RBBP7: variants seen among roughly 807,000 people sequenced by gnomAD.
RBBP7 encodes the protein RB binding protein 7, chromatin remodeling factor.
In RBBP7, 5 loss-of-function variants were observed where a neutral mutation model predicts 35.2. The observed-to-expected ratio is 0.14, with a 90% CI of 0.07 to 0.30. The LOEUF (loss-of-function observed/expected upper bound fraction) is 0.30, where lower values mean the gene tolerates loss of function less well. Ranked by LOEUF, RBBP7 falls within the 10% of genes least tolerant of loss-of-function variation. RBBP7 has a pLI of 1.00. For synonymous variants in RBBP7, 140 were observed against 118.7 expected, an observed-to-expected ratio of 1.18 and a Z score of -1.17; for missense variants, 155 against 327.5, an observed-to-expected ratio of 0.47 and a Z score of 4.07.
rs113815957 is a variant in RBBP7 at position 16,859,183 on chromosome X, A to G, written c.308-334T>C. Among the ~76,000 whole-genome samples, 995 of 112,735 alleles carry G rather than the reference A, an allele frequency of 8.8e-3. 8 individuals are homozygous for G. Among genetic ancestry groups the G allele is most frequent in the African/African-American group, 0.03 (941 of 31,048 alleles). On this transcript the variant is annotated intron_variant, in intron 3 of 11. Transcript: ENST00000380087. ...AAGTAACCATATAATAAGCAGACCA[A>G]TAGCTTTTTAGTTCAAATACAACTC...
intron 5 of RBBP7, among the ~76,000 whole-genome samples, chrX:16,854,067 G>C (rs1275710013): frequency 1.8e-5 from 2 of 110,178 alleles, no homozygotes; most frequent in Non-Finnish European, 3.8e-5. Flanking sequence ...ATTTTTAGTA[G>C]AGACGGGGGT....
At chrX:16,853,384 T>C in intron 6 of RBBP7, 1 of 199,920 alleles carries the variant, frequency 5.0e-6, no homozygotes, top group Non-Finnish European at 9.1e-6. Flanking sequence ...TTTCTTTTTT[T>C]CTAAATAATA....
chrX:16,856,472 G>C (rs955849202), intron 5 of RBBP7, among the ~76,000 whole-genome samples: 3 of 110,772 alleles, frequency 2.7e-5, no homozygotes, highest in African/African-American at 9.9e-5. Flanking sequence ...GGAGGTTGCA[G>C]TGAGCTGAGA....
Position 16,870,038 on chromosome X carries a change from T to A in RBBP7, c.16A>T (p.Met6Leu). Residue 6 changes from methionine to leucine, a missense_variant and splice_region_variant, in exon 1 of 12, where the codon ATG becomes TTG. Physicochemically the swap from Met to Leu is conservative, Grantham distance 15 (BLOSUM62 2). Coordinates refer to ENST00000380087, the MANE Select transcript of RBBP7 (RefSeq NM_002893.4). MASKE[M>L]FEDTVEERVI... ...CGCGCCGCCCCGCAGGGCCTCTTACTCTCTTTACTCGCCATCTTGCGTCGG... is the reference window on the plus strand; with the variant it reads ...CGCGCCGCCCCGCAGGGCCTCTTACACTCTTTACTCGCCATCTTGCGTCGG... 9.7e-7 allele frequency: 1 copy of A among 1,034,858 alleles called. No individual in the cohort carries two copies. The highest frequency in any genetic ancestry group is 1.3e-6 in the Non-Finnish European group (1 of 794,188). 85.3% of individuals were successfully genotyped at this position (1,034,858 alleles called of 1,213,427 possible).
chrX:16,852,815 G>A lies in RBBP7; in HGVS notation c.819C>T (p.Ala273=), dbSNP rs769291868. 9.1e-6 allele frequency: 11 copies of A among 1,211,824 alleles called. No homozygotes were observed. The highest frequency in any genetic ancestry group is 3.0e-5 in the East Asian group (1 of 33,831). ...GATTGAATGAGAGGCAGTTGACTTC[G>A]GCAGTGTGCGCATCCACCAAGTGAC... ...KPSHLVDAHT[A]EVNCLSFNPY... is the part of the protein sequence containing the mutation. Residue 273 remains alanine, a synonymous_variant, in exon 7 of 12, where the codon GCC becomes GCT. Transcript: ENST00000380087.
chrX:16,846,476 T>C (rs1323140814), intron 10 of RBBP7: 1 of 111,662 alleles, frequency 9.0e-6, no homozygotes, highest in Non-Finnish European at 1.9e-5. Context: ...TGCCCATCTT[T>C]CCAACGTACA....
At chrX:16,855,469 A>T (rs1168281883) in intron 5 of RBBP7, among the ~76,000 whole-genome samples, 1 of 112,079 alleles carries the variant, frequency 8.9e-6, no homozygotes, top group East Asian at 2.8e-4. Flanking sequence ...ACACATGAAG[A>T]CACTCAATGT....
chrX:16,865,893 C>T (rs956094226), intron 2 of RBBP7, among the ~76,000 whole-genome samples: 7 of 112,401 alleles, frequency 6.2e-5, no homozygotes, highest in African/African-American at 2.3e-4. Context: ...AAAGAACAAG[C>T]ATATCCAAGC....
chrX:16,848,487 A>G (rs1930137408), intron 10 of RBBP7: 1 of 112,009 alleles, frequency 8.9e-6, no homozygotes, highest in Non-Finnish European at 1.9e-5. Context: ...AAACTTGTGG[A>G]CATTCAATAT....
intron 9 of RBBP7, among the ~76,000 whole-genome samples, chrX:16,851,744 T>C (rs1367261152): frequency 8.9e-6 from 1 of 112,675 alleles, no homozygotes; most frequent in Non-Finnish European, 1.9e-5. Context: ...TCTTGATTTC[T>C]CTATATCAAG....
Position 16,844,655 on chromosome X carries a change from T to C in RBBP7, c.*380A>G, listed in dbSNP as rs1385682916. 9.1e-6 allele frequency: 1 copy of C among 110,186 alleles called. No homozygotes were observed. The highest frequency in any genetic ancestry group is 1.9e-5 in the Non-Finnish European group (1 of 53,953). 9.1% of individuals were successfully genotyped at this position (110,186 alleles called of 1,213,427 possible). A position where few individuals can be genotyped will look rare whatever the true frequency, so the allele number is the denominator to read the frequency against. On this transcript the variant is annotated 3_prime_UTR_variant, in exon 12 of 12. Coordinates refer to ENST00000380087, the MANE Select transcript of RBBP7 (RefSeq NM_002893.4). ...AGCTTTTAAAAAAACACAAGTTTTATTTTAAAACTTTATTTCTGCAAAGCC... is the reference window on the plus strand; with the variant it reads ...AGCTTTTAAAAAAACACAAGTTTTACTTTAAAACTTTATTTCTGCAAAGCC...
chrX:16,865,899 C>G (rs1217738064), intron 2 of RBBP7, among the ~76,000 whole-genome samples: 2 of 112,252 alleles, frequency 1.8e-5, no homozygotes, highest in East Asian at 5.6e-4. Context: ...CAAGCATATC[C>G]AAGCATGCTG....
intron 5 of RBBP7, among the ~76,000 whole-genome samples, chrX:16,856,559 A>G (rs1279470540): frequency 9.1e-6 from 1 of 109,448 alleles, no homozygotes; most frequent in African/African-American, 3.3e-5. Context: ...AACAACAACA[A>G]CAACAACAAA....
chrX:16,864,178 C>T (rs1186397443), intron 2 of RBBP7, among the ~76,000 whole-genome samples: 1 of 110,538 alleles, frequency 9.0e-6, no homozygotes, highest in African/African-American at 3.3e-5. Flanking sequence ...AGACACACTC[C>T]CCCCAAAACA....
intron 9 of RBBP7, among the ~76,000 whole-genome samples, chrX:16,851,030 A>G (rs1930200028): frequency 9.1e-6 from 1 of 109,694 alleles, no homozygotes; most frequent in Non-Finnish European, 1.9e-5. Flanking sequence ...AAGCTGAGGC[A>G]TGAGAACTGC....
At position 16,845,106 on chromosome X, in the gene RBBP7, G is replaced by A. The variant is rs1404728982; in HGVS notation, c.1210-3C>T. 1 of 1,191,846 alleles carries A rather than the reference G, an allele frequency of 8.4e-7. No homozygotes were observed. The highest frequency in any genetic ancestry group is 3.0e-5 in the East Asian group (1 of 33,650). ...TCATCATTGTAAATATTTTCAGCCT[G>A]GAGATAACCAAATAAATTCACAGGT... On this transcript the variant is annotated splice_region_variant and splice_polypyrimidine_tract_variant and intron_variant, in intron 11 of 11. Coordinates refer to ENST00000380087, the MANE Select transcript of RBBP7 (RefSeq NM_002893.4).
rs1335770710 is a variant in RBBP7 at position 16,854,584 on chromosome X, C to T, written c.598-742G>A. 1.8e-4 allele frequency among the ~76,000 whole-genome samples: 20 copies of T among 111,244 alleles called. No homozygotes were observed. The Admixed American group carries it at 1.9e-3, about 11-fold the overall frequency. ...AACTCTGCCTCTCACATAGCAAAAGCCTCATGGACAAGTCTTTCACTTCAT... is the reference window on the plus strand; with the variant it reads ...AACTCTGCCTCTCACATAGCAAAAGTCTCATGGACAAGTCTTTCACTTCAT... On this transcript the variant is annotated intron_variant, in intron 5 of 11. Coordinates refer to ENST00000380087, the MANE Select transcript of RBBP7 (RefSeq NM_002893.4).
chrX:16,861,174 A>T (rs897246542), intron 3 of RBBP7, among the ~76,000 whole-genome samples: 3 of 112,540 alleles, frequency 2.7e-5, no homozygotes, highest in East Asian at 2.7e-4. Context: ...ACCCTGCCTC[A>T]TAACAAACAA....
intron 3 of RBBP7, among the ~76,000 whole-genome samples, chrX:16,860,386 T>TA (rs1418188254): frequency 1.8e-5 from 2 of 111,416 alleles, no homozygotes; most frequent in Admixed American, 1.9e-4. Flanking sequence ...TAATATCCAT[T>TA]AAAAAATGTA....
Sources: gnomAD v4.1 joint callset for allele counts (sites outside exome capture counted in the v4.1 genomes callset) on GRCh38, gnomAD v4.1.1 for gene constraint, MANE v1.5 for transcripts, NCBI Gene and HGNC (gene_info 2026-07-23, HGNC 2026-07-21) for gene names.